Variants in CDC42SE2 observed in about 807,000 individuals in gnomAD.
The protein encoded by CDC42SE2 is CDC42 small effector protein 2.
A neutral mutation model predicts 11.5 loss-of-function variants in CDC42SE2; 3 were observed. That is an observed-to-expected ratio of 0.26 (90% CI 0.12 to 0.67). The LOEUF is 0.67. Ranked by LOEUF, CDC42SE2 falls within the 30% of genes least tolerant of loss-of-function variation. CDC42SE2 has a pLI of 0.80. For synonymous variants in CDC42SE2, 33 were observed against 34.8 expected, an observed-to-expected ratio of 0.95 and a Z score of 0.18; for missense variants, 82 against 106.8, an observed-to-expected ratio of 0.77 and a Z score of 1.02.
At chr5:131,292,171 G>A (rs561566439) in intron 1 of CDC42SE2, among the ~76,000 whole-genome samples, 3 of 148,630 alleles carry the variant, frequency 2.0e-5, no homozygotes, top group East Asian at 2.0e-4. Context: ...CCTGGGAGGC[G>A]GAGGTTGCAG....
intron 1 of CDC42SE2, among the ~76,000 whole-genome samples, chr5:131,307,992 G>A (rs1194557550): frequency 2.6e-5 from 4 of 152,050 alleles, no homozygotes; most frequent in East Asian, 1.9e-4. Context: ...AGTAGGTTGC[G>A]AAAATTTTCT....
At chr5:131,385,220 A>G (rs1184261915) in intron 3 of CDC42SE2, among the ~76,000 whole-genome samples, 1 of 152,260 alleles carries the variant, frequency 6.6e-6, no homozygotes, top group Non-Finnish European at 1.5e-5. Context: ...TTTGCCAACA[A>G]TAATAGTGAC....
At chr5:131,340,193 G>A (rs924529482) in intron 2 of CDC42SE2, among the ~76,000 whole-genome samples, 8 of 152,056 alleles carry the variant, frequency 5.3e-5, no homozygotes, top group Admixed American at 6.6e-5. Context: ...GCTTTCTTTG[G>A]TTTCAGTTTT....
rs1415366446 is a variant in CDC42SE2 at position 131,394,394 on chromosome 5, C to G, written c.*3303C>G. On this transcript the variant is annotated 3_prime_UTR_variant, in exon 5 of 5. Transcript: ENST00000505065. The stretch of plus-strand genomic sequence containing the variant: ...ATTGGGTTTAGCATTTCCAGTGCAG[C>G]ATTATCAGTGGGCCTTTAAAAATAC... 1 of 152,320 alleles carries G rather than the reference C, an allele frequency of 6.6e-6. No individual in the cohort carries two copies. Among genetic ancestry groups the G allele is most frequent in the Non-Finnish European group, 1.5e-5 (1 of 68,038 alleles). 9.4% of individuals were successfully genotyped at this position (152,320 alleles called of 1,614,324 possible).
intron 2 of CDC42SE2, among the ~76,000 whole-genome samples, chr5:131,324,092 T>G (rs1314045495): frequency 6.6e-6 from 1 of 152,248 alleles, no homozygotes; most frequent in Admixed American, 6.5e-5. Flanking sequence ...ACTTGAAGTT[T>G]CTGAAATTAT....
intron 1 of CDC42SE2, among the ~76,000 whole-genome samples, chr5:131,293,848 G>A (rs1394140413): frequency 2.0e-5 from 3 of 152,138 alleles, no homozygotes; most frequent in Non-Finnish European, 4.4e-5. Context: ...GGTGTGCCAG[G>A]TCCTGACTGA....
the CDC42SE2 span, among the ~76,000 whole-genome samples, chr5:131,230,942 T>A: frequency 1.3e-5 from 2 of 152,238 alleles, 1 homozygote; most frequent in South Asian, 4.1e-4. Flanking sequence ...TTGATCATGA[T>A]ACATCTATAA....
chr5:131,387,426 C>T (rs1235461343), intron 4 of CDC42SE2, among the ~76,000 whole-genome samples: 1 of 152,030 alleles, frequency 6.6e-6, no homozygotes, highest in East Asian at 1.9e-4. Context: ...TAATGTGCAC[C>T]TGTGGTTCCA....
intron 3 of CDC42SE2, among the ~76,000 whole-genome samples, chr5:131,376,920 T>A (rs777453137): frequency 1.2e-4 from 18 of 152,226 alleles, no homozygotes; most frequent in Non-Finnish European, 1.8e-4. Flanking sequence ...ATGCCATGAC[T>A]TTGCGATTGT....
chr5:131,347,958 A>G (rs1758894611), intron 2 of CDC42SE2, among the ~76,000 whole-genome samples: 1 of 152,258 alleles, frequency 6.6e-6, no homozygotes, highest in African/African-American at 2.4e-5. Context: ...GCTTCATGCT[A>G]AAAACTTAAC....
chr5:131,351,382 G>A (rs1197701541), intron 2 of CDC42SE2, among the ~76,000 whole-genome samples: 1 of 152,186 alleles, frequency 6.6e-6, no homozygotes, highest in Non-Finnish European at 1.5e-5. Context: ...AGCCTCTGGA[G>A]TAGCTGGGAC....
At chr5:131,308,853 G>C (rs529974690) in intron 1 of CDC42SE2, among the ~76,000 whole-genome samples, 1 of 152,232 alleles carries the variant, frequency 6.6e-6, no homozygotes, top group Non-Finnish European at 1.5e-5. Context: ...GGGCTGAGAT[G>C]ATGGGGTTTT....
At chr5:131,234,033 T>A in the CDC42SE2 span, among the ~76,000 whole-genome samples, 1 of 152,088 alleles carries the variant, frequency 6.6e-6, no homozygotes, top group African/African-American at 2.4e-5. Flanking sequence ...AATCTGGCAC[T>A]AGATTATTAT....
chr5:131,226,781 C>T, the CDC42SE2 span, among the ~76,000 whole-genome samples: 2 of 152,184 alleles, frequency 1.3e-5, no homozygotes, highest in Admixed American at 6.5e-5. Flanking sequence ...TTGGAATAGA[C>T]TTACTCAGCA....
At chr5:131,366,668 A>G (rs1436125374) in intron 3 of CDC42SE2, among the ~76,000 whole-genome samples, 2 of 152,160 alleles carry the variant, frequency 1.3e-5, no homozygotes, top group African/African-American at 2.4e-5. Context: ...ACATCAGCAA[A>G]AGTAATAATC....
At chr5:131,274,439 C>T (rs938461929) in intron 1 of CDC42SE2, among the ~76,000 whole-genome samples, 3 of 152,204 alleles carry the variant, frequency 2.0e-5, no homozygotes, top group African/African-American at 7.2e-5. Flanking sequence ...AATGTAACCA[C>T]AATTTGCTCT....
At chr5:131,211,052 A>G in the CDC42SE2 span, among the ~76,000 whole-genome samples, 1 of 152,168 alleles carries the variant, frequency 6.6e-6, no homozygotes, top group African/African-American at 2.4e-5. Context: ...AGGCTAGGCC[A>G]TCTTGAATTC....
the CDC42SE2 span, among the ~76,000 whole-genome samples, chr5:131,217,489 G>A: frequency 6.6e-6 from 1 of 152,152 alleles, no homozygotes; most frequent in African/African-American, 2.4e-5. Flanking sequence ...ATTTAGAAAA[G>A]TTATCTTTTC....
intron 1 of CDC42SE2, among the ~76,000 whole-genome samples, chr5:131,285,119 C>A (rs1757314086): frequency 6.6e-6 from 1 of 150,502 alleles, no homozygotes; most frequent in East Asian, 1.9e-4. Context: ...AAAACCCTGT[C>A]TCTGAAAAAA....
Sources: allele counts gnomAD v4.1 joint callset (sites outside exome capture counted in the v4.1 genomes callset), GRCh38; gene constraint gnomAD v4.1.1; transcripts MANE v1.5; gene names NCBI Gene and HGNC (gene_info 2026-07-23, HGNC 2026-07-21).